The following VDAC2 variants were observed in gnomAD, a reference collection of about 807,000 sequenced individuals.
VDAC2 encodes voltage dependent anion channel 2.
A neutral mutation model predicts 36.6 loss-of-function variants in VDAC2; 6 were observed. The observed-to-expected ratio is 0.16, with a 90% CI of 0.09 to 0.32. The LOEUF (loss-of-function observed/expected upper bound fraction) is 0.32. VDAC2 is among the 10% of genes least tolerant of loss of function. The pLI is 1.00. For missense variants in VDAC2, 247 were observed against 346.0 expected, an observed-to-expected ratio of 0.71 and a Z score of 2.27; for synonymous variants, 109 against 123.8, an observed-to-expected ratio of 0.88 and a Z score of 0.79.
chr10:75,214,058 T>G lies in VDAC2; in HGVS notation c.138T>G (p.Ser46=). The change falls in exon 4 of 10, where the codon TCT becomes TCG. Residue 46 remains serine, a synonymous_variant. Coordinates refer to ENST00000332211, the MANE Select transcript of VDAC2 (RefSeq NM_001391963.1). ...TGAAACTGGATGTGAAAACAAAGTCTTGCAGTGGCGTGGTGAGTGTTACTG... is the reference window on the plus strand; with the variant it reads ...TGAAACTGGATGTGAAAACAAAGTCGTGCAGTGGCGTGGTGAGTGTTACTG... ...GLVKLDVKTK[S]CSGVEFSTSG... The G allele has an allele frequency of 5.0e-6, 8 of 1,613,332 alleles. No individual in the cohort carries two copies. Among genetic ancestry groups the G allele is most frequent in the Non-Finnish European group, 5.9e-6 (7 of 1,179,528 alleles).
At chr10:75,229,620 A>G (rs1215593930) in intron 8 of VDAC2, 24 bp from the exon 9 acceptor site, 1 of 1,577,518 alleles carries the variant, frequency 6.3e-7, no homozygotes, top group African/African-American at 1.4e-5. Context: ...TTTTTCTTAC[A>G]GTTGTTTTTG....
At chr10:75,226,729 CGGG>C (rs1389164445) in intron 8 of VDAC2, among the ~76,000 whole-genome samples, 1 of 151,872 alleles carries the variant, frequency 6.6e-6, no homozygotes, top group South Asian at 2.1e-4. Context: ...CCCAAAGTGC[CGGG>C]GTAACAGGAA....
intron 3 of VDAC2, among the ~76,000 whole-genome samples, chr10:75,212,682 C>T (rs1185623715): frequency 6.6e-6 from 1 of 152,148 alleles, no homozygotes; most frequent in Non-Finnish European, 1.5e-5. Context: ...AGACATGAGC[C>T]ACTGTGCCCA....
intron 3 of VDAC2, among the ~76,000 whole-genome samples, chr10:75,213,446 T>G (rs1242325211): frequency 6.6e-6 from 1 of 152,150 alleles, no homozygotes; most frequent in Non-Finnish European, 1.5e-5. Flanking sequence ...GATATTTAAG[T>G]TTAAGAATAG....
intron 4 of VDAC2, among the ~76,000 whole-genome samples, chr10:75,216,010 G>A (rs1841592817): frequency 6.6e-6 from 1 of 152,240 alleles, no homozygotes; most frequent in Non-Finnish European, 1.5e-5. Context: ...TAGCCCTGTA[G>A]TTTAAAAGCC....
chr10:75,211,656 A>G, intron 2 of VDAC2: 4 of 1,550,608 alleles, frequency 2.6e-6, no homozygotes, highest in East Asian at 2.4e-5. Context: ...TGAGAGTCAC[A>G]TTAGTAAGTT....
Position 75,231,288 on chromosome 10 carries a change from C to A in VDAC2, c.*299C>A, listed in dbSNP as rs901118236. 2.3e-5 allele frequency: 5 copies of A among 213,116 alleles called. No individual in the cohort carries two copies. Among genetic ancestry groups the A allele is most frequent in the Non-Finnish European group, 3.8e-5 (4 of 105,958 alleles). 13.2% of individuals were successfully genotyped at this position (213,116 alleles called of 1,614,324 possible). A position where few individuals can be genotyped will look rare whatever the true frequency, so the allele number is the denominator to read the frequency against. On this transcript the variant is annotated 3_prime_UTR_variant, in exon 10 of 10. Coordinates refer to ENST00000332211, the MANE Select transcript of VDAC2 (RefSeq NM_001391963.1). ...TTTATGAAAACTGTGCAATTGTGTG[C>A]ATGTTTGTTTTTATGTTCCTTTAGA...
Position 75,222,366 on chromosome 10 carries a change from A to G in VDAC2, c.699A>G (p.Ala233=), listed in dbSNP as rs1841838518. The stretch of plus-strand genomic sequence containing the variant: ...CCAACTGCACTCGTTTTGGCATTGC[A>G]GCTAAATATCAGTTGGATCCCACTG... ...SGTNCTRFGI[A]AKYQLDPTAS... is the part of the protein sequence containing the mutation. The change falls in exon 8 of 10, where the codon GCA becomes GCG. Residue 233 remains alanine (A), a synonymous_variant. Coordinates refer to ENST00000332211, the MANE Select transcript of VDAC2 (RefSeq NM_001391963.1). 6.2e-7 allele frequency: 1 copy of G among 1,614,224 alleles called. No individual in the cohort carries two copies.
chr10:75,216,239 G>C (rs759273187), intron 4 of VDAC2, among the ~76,000 whole-genome samples: 2 of 152,142 alleles, frequency 1.3e-5, no homozygotes, highest in Non-Finnish European at 2.9e-5. Context: ...TTCTAAAAAA[G>C]ATTCAGTCCT....
intron 8 of VDAC2, among the ~76,000 whole-genome samples, chr10:75,224,085 C>T (rs1451633551): frequency 2.0e-5 from 3 of 152,168 alleles, no homozygotes; most frequent in Non-Finnish European, 4.4e-5. Context: ...TTGTGGGAAC[C>T]TCTGTTTAGA....
chr10:75,210,209 C>G (rs1439358400), upstream of VDAC2: 1 of 152,564 alleles, frequency 6.6e-6, no homozygotes, highest in African/African-American at 2.4e-5. Context: ...GCAGTCACAC[C>G]AAGGTGGGAA....
At chr10:75,227,745 C>T (rs1440261857) in intron 8 of VDAC2, among the ~76,000 whole-genome samples, 5 of 151,676 alleles carry the variant, frequency 3.3e-5, no homozygotes, top group African/African-American at 1.2e-4. Flanking sequence ...TGCCACCGTG[C>T]CTGGCTAATT....
intron 2 of VDAC2, among the ~76,000 whole-genome samples, chr10:75,211,914 A>G (rs1841435758): frequency 1.3e-5 from 2 of 152,264 alleles, no homozygotes; most frequent in Admixed American, 6.5e-5. Flanking sequence ...ATAAATATCC[A>G]TACACACAAA....
chr10:75,222,738 T>C (rs1841851065), intron 8 of VDAC2, among the ~76,000 whole-genome samples: 1 of 151,616 alleles, frequency 6.6e-6, no homozygotes, highest in South Asian at 2.1e-4. Flanking sequence ...TAAGGCTCTC[T>C]GTTGTCGAGG....
At chr10:75,221,998 G>T (rs772679778) in intron 7 of VDAC2, among the ~76,000 whole-genome samples, 1 of 152,186 alleles carries the variant, frequency 6.6e-6, no homozygotes, top group Non-Finnish European at 1.5e-5. Context: ...CCAAAAGGCT[G>T]TTTGAGAACC....
chr10:75,211,592 G>C (rs1412063952), intron 2 of VDAC2: 1 of 1,550,560 alleles, frequency 6.4e-7, no homozygotes, highest in South Asian at 1.2e-5. Flanking sequence ...GAATGAGCTG[G>C]TGTAATGAGC....
At chr10:75,217,938 T>G (rs1370781702) in intron 4 of VDAC2, 1 of 1,288,836 alleles carries the variant, frequency 7.8e-7, no homozygotes, top group East Asian at 5.6e-5. Context: ...ATCAGCTGTC[T>G]TCCTTAGGCT....
intron 8 of VDAC2, among the ~76,000 whole-genome samples, chr10:75,224,817 T>G (rs1053717229): frequency 1.3e-5 from 2 of 152,228 alleles, no homozygotes; most frequent in African/African-American, 2.4e-5. Flanking sequence ...TTGCCCAGTT[T>G]GGAGAAATTT....
At chr10:75,226,681 T>A (rs1275181155) in intron 8 of VDAC2, among the ~76,000 whole-genome samples, 1 of 152,104 alleles carries the variant, frequency 6.6e-6, no homozygotes, top group Non-Finnish European at 1.5e-5. Context: ...CAGGTGGGTC[T>A]CCAACCCCTG....
Sources: gnomAD v4.1 joint callset for allele counts (sites outside exome capture counted in the v4.1 genomes callset) on GRCh38, gnomAD v4.1.1 for gene constraint, MANE v1.5 for transcripts, NCBI Gene and HGNC (gene_info 2026-07-23, HGNC 2026-07-21) for gene names.